Variants in TSC22D1 observed in about 807,000 individuals in gnomAD.
The protein encoded by TSC22D1 is TSC22 domain family member 1, also known as TSC22 domain family protein 1.
Under a neutral mutation model 74.2 loss-of-function variants are expected in TSC22D1, and 9 were observed. The ratio of observed to expected loss-of-function variants is 0.12; its 90% CI spans 0.07 to 0.21. The LOEUF (loss-of-function observed/expected upper bound fraction) is 0.21, where lower values mean the gene tolerates loss of function less well. Among genes scored for constraint, TSC22D1 ranks in the 10% least tolerant of loss-of-function variants. The probability of loss-of-function intolerance (pLI) is 1.00; values close to 1 mark genes in which losing one functional copy is unlikely to be tolerated. For synonymous variants in TSC22D1, 586 were observed against 492.5 expected, an observed-to-expected ratio of 1.19 and a Z score of -2.51; for missense variants, 1,427 against 1,304.7, an observed-to-expected ratio of 1.09 and a Z score of -1.44.
intron 1 of TSC22D1, among the ~76,000 whole-genome samples, chr13:44,469,844 T>C (rs754225146): frequency 6.6e-6 from 1 of 152,196 alleles, no homozygotes; most frequent in Non-Finnish European, 1.5e-5. Context: ...CAATTGACGA[T>C]GCCCTAATAT....
intron 1 of TSC22D1, chr13:44,451,587 G>A (rs1174805994): frequency 1.3e-5 from 2 of 152,226 alleles, no homozygotes; most frequent in Admixed American, 1.3e-4. Flanking sequence ...TGCTACCAGA[G>A]TGAAAGGGTG....
rs1365267612 is a variant in TSC22D1, at chr13:44,451,705, G to C, written c.2913-15610C>G. On this transcript the variant is annotated intron_variant, in intron 1 of 2. Coordinates refer to ENST00000458659, the MANE Select transcript of TSC22D1 (RefSeq NM_183422.4). ...GACTTTAAGCAAATGGCTCTGGAGG[G>C]GATCCAGAAGAATGCGGCATGAAGC... is the stretch of plus-strand genomic sequence containing the variant. Among the ~76,000 whole-genome samples, 3 of 152,192 alleles carry C rather than the reference G, an allele frequency of 2.0e-5. No individual in the cohort carries two copies. In the East Asian group the frequency reaches 5.8e-4, roughly 29 times the overall value.
chr13:44,560,023 A>G (rs773029589), intron 1 of TSC22D1, among the ~76,000 whole-genome samples: 2 of 152,170 alleles, frequency 1.3e-5, no homozygotes, highest in Non-Finnish European at 2.9e-5. Flanking sequence ...AGGCACAAAC[A>G]AAAGCTTCCT....
chr13:44,460,151 T>C (rs2138946993), intron 1 of TSC22D1, among the ~76,000 whole-genome samples: 2 of 152,336 alleles, frequency 1.3e-5, no homozygotes, highest in East Asian at 3.9e-4. Flanking sequence ...CCTGGCTCTT[T>C]CCACAGTAAT....
chr13:44,552,932 G>A (rs1882384187), intron 1 of TSC22D1, among the ~76,000 whole-genome samples: 1 of 152,180 alleles, frequency 6.6e-6, no homozygotes, highest in Non-Finnish European at 1.5e-5. Context: ...AGCTTGCAGT[G>A]AGCCGCGATC....
At chr13:44,511,619 T>C (rs900461463) in intron 1 of TSC22D1, among the ~76,000 whole-genome samples, 7 of 148,168 alleles carry the variant, frequency 4.7e-5, no homozygotes, top group East Asian at 4.0e-4. Flanking sequence ...TAAAAAGAAA[T>C]ACACACACAC....
chr13:44,573,252 C>T lies in TSC22D1; in HGVS notation c.2823G>A (p.Gly941=), dbSNP rs1390783084. The T allele has an allele frequency of 1.2e-6, 2 of 1,614,250 alleles. No individual in the cohort carries two copies. Among genetic ancestry groups the T allele is most frequent in the Non-Finnish European group, 8.5e-7 (1 of 1,180,050 alleles). Reference sequence around the variant, plus strand: ...CAGAGGCTGCTAGGCTGCTGCTACTCCCATCTGAAACTGCTGACATTCCCC... The same window carrying T: ...CAGAGGCTGCTAGGCTGCTGCTACTTCCATCTGAAACTGCTGACATTCCCC... ...DSGGMSAVSD[G]SSSSLAASAS... The change falls in exon 1 of 3, where the codon GGG becomes GGA. Residue 941 remains glycine (G), a synonymous_variant. Coordinates refer to ENST00000458659, the MANE Select transcript of TSC22D1 (RefSeq NM_183422.4).
chr13:44,575,452 T>G lies in TSC22D1; in HGVS notation c.623A>C (p.Asn208Thr). 1 of 1,614,090 alleles carries G rather than the reference T, an allele frequency of 6.2e-7. No individual in the cohort carries two copies. The highest frequency in any genetic ancestry group is 2.2e-5 in the East Asian group (1 of 44,884). ...QPHLPHLPQQ[N>T]VVINGNAHPH... is the part of the protein sequence containing the mutation. Reference sequence around the variant, plus strand: ...ATGAGCATTCCCATTGATCACAACATTCTGTTGTGGAAGGTGAGGCAAATG... The same window carrying G: ...ATGAGCATTCCCATTGATCACAACAGTCTGTTGTGGAAGGTGAGGCAAATG... The change falls in exon 1 of 3, where the codon AAT (asparagine) becomes ACT (threonine). Residue 208 changes from asparagine (N) to threonine (T), a missense_variant. Asn to Thr is a moderately conservative substitution (Grantham distance 65). Coordinates refer to ENST00000458659, the MANE Select transcript of TSC22D1 (RefSeq NM_183422.4).
In TSC22D1 at chr13:44,576,109, G is replaced by A; in HGVS notation, c.-35C>T. 1 of 1,477,300 alleles carries A rather than the reference G, an allele frequency of 6.8e-7. No individual in the cohort carries two copies. The highest frequency in any genetic ancestry group is 8.9e-7 in the Non-Finnish European group (1 of 1,120,476). 91.5% of individuals were successfully genotyped at this position (1,477,300 alleles called of 1,614,324 possible). A position where few individuals can be genotyped will look rare whatever the true frequency, so the allele number is the denominator to read the frequency against. On this transcript the variant is annotated 5_prime_UTR_variant, in exon 1 of 3. Transcript: ENST00000458659. ...TACCGGGGGCGCGGAGGAGACGAGT[G>A]CAATTTCCTTCTGCACCGTAATCTT...
chr13:44,555,606 AAAAT>A (rs200171817), intron 1 of TSC22D1, among the ~76,000 whole-genome samples: 19 of 151,810 alleles, frequency 1.3e-4, no homozygotes, highest in African/African-American at 2.4e-4. Context: ...ACCCTGTCTA[AAAAT>A]AAATAAATAA....
chr13:44,574,411 C>G lies in TSC22D1; in HGVS notation c.1664G>C (p.Ser555Thr). Residue 555 changes from serine to threonine, a missense_variant, in exon 1 of 3, where the codon AGC (serine) becomes ACC (threonine). Physicochemically the swap from Ser to Thr is moderately conservative, Grantham distance 58. Transcript: ENST00000458659. ...SQVQLQSQELSYQQKQGLQPV... is the reference protein window; with the variant it reads ...SQVQLQSQELTYQQKQGLQPV... The stretch of plus-strand genomic sequence containing the variant: ...CTGAAGACCTTGCTTTTGCTGATAG[C>G]TCAGTTCTTGAGACTGTAATTGTAC... The G allele has an allele frequency of 6.2e-7, 1 of 1,614,206 alleles. No homozygotes were observed. The highest frequency in any genetic ancestry group is 8.5e-7 in the Non-Finnish European group (1 of 1,180,044).
intron 1 of TSC22D1, among the ~76,000 whole-genome samples, chr13:44,532,855 C>T (rs1880928191): frequency 6.6e-6 from 1 of 152,048 alleles, no homozygotes; most frequent in East Asian, 1.9e-4. Flanking sequence ...ATGTAGAAGA[C>T]TTGGGCTTGG....
intron 2 of TSC22D1, chr13:44,435,796 G>C (rs1874550760): frequency 1.8e-6 from 1 of 548,876 alleles, no homozygotes; most frequent in African/African-American, 1.9e-5. Context: ...GGGTCACCGT[G>C]AGAAAATCCC....
chr13:44,501,854 T>G (rs1259083343), intron 1 of TSC22D1, among the ~76,000 whole-genome samples: 1 of 152,168 alleles, frequency 6.6e-6, no homozygotes, highest in Non-Finnish European at 1.5e-5. Flanking sequence ...AATGGCTCTT[T>G]CCCAAAGTCG....
At position 44,550,586 on chromosome 13, in the gene TSC22D1, GAAAAAAA is replaced by G. The variant is rs372509812; in HGVS notation, c.2912+22570_2912+22576del. Among the ~76,000 whole-genome samples, 58 of 129,140 alleles carry G rather than the reference GAAAAAAA, an allele frequency of 4.5e-4. 1 individual carries two copies. Among genetic ancestry groups the G allele is most frequent in the Admixed American group, 4.4e-3 (57 of 12,878 alleles). 84.7% of individuals were successfully genotyped at this position (129,140 alleles called of 152,430 possible). A position where few individuals can be genotyped will look rare whatever the true frequency, so the allele number is the denominator to read the frequency against. On this transcript the variant is annotated intron_variant, in intron 1 of 2. Transcript: ENST00000458659. The stretch of plus-strand genomic sequence containing the variant: ...AACAAGAGTGAAACTCTGTCTCGGG[GAAAAAAA>G]AAAAAAAGAAAAAAAGAAAAGAAGT...
chr13:44,570,086 T>C (rs1883655367), intron 1 of TSC22D1, among the ~76,000 whole-genome samples: 1 of 152,200 alleles, frequency 6.6e-6, no homozygotes, highest in African/African-American at 2.4e-5. Context: ...GTTAAGAGGC[T>C]GTGCTAATAA....
At chr13:44,503,890 TA>T (rs1437848909) in intron 1 of TSC22D1, among the ~76,000 whole-genome samples, 3 of 151,896 alleles carry the variant, frequency 2.0e-5, no homozygotes, top group Non-Finnish European at 4.4e-5. Context: ...ACTTTAATAT[TA>T]AAAAATATTT....
chr13:44,573,035 A>G, intron 1 of TSC22D1, 128 bp downstream of exon 1: 1 of 1,368,140 alleles, frequency 7.3e-7, no homozygotes, highest in South Asian at 1.5e-5. Flanking sequence ...AACTTCCCAT[A>G]AAAATGCATT....
chr13:44,481,824 C>T (rs963451905), intron 1 of TSC22D1, among the ~76,000 whole-genome samples: 3 of 152,122 alleles, frequency 2.0e-5, no homozygotes, highest in South Asian at 2.1e-4. Flanking sequence ...ATAACAAAGT[C>T]GGTGGGGGAC....
Sources: allele counts gnomAD v4.1 joint callset (sites outside exome capture counted in the v4.1 genomes callset), GRCh38; gene constraint gnomAD v4.1.1; transcripts MANE v1.5; gene names NCBI Gene and HGNC (gene_info 2026-07-23, HGNC 2026-07-21).